PDGFD: variants seen among roughly 807,000 people sequenced by gnomAD.
PDGFD encodes platelet derived growth factor D, also known as platelet-derived growth factor D.
PDGFD carries 30 observed loss-of-function variants against 44.7 expected under a neutral mutation model. That is an observed-to-expected ratio of 0.67 (90% CI 0.50 to 0.91). The LOEUF (loss-of-function observed/expected upper bound fraction) is 0.91. PDGFD is among the 40% of genes least tolerant of loss of function. The pLI, the probability that PDGFD is intolerant of heterozygous loss-of-function variation, is 0.00. For missense variants in PDGFD, 445 were observed against 457.8 expected (o/e 0.97, Z 0.25); for synonymous variants, 173 against 168.4 (o/e 1.03, Z -0.21).
chr11:103,973,772 C>A (rs1403770146), intron 3 of PDGFD, among the ~76,000 whole-genome samples: 3 of 152,098 alleles, frequency 2.0e-5, no homozygotes, highest in African/African-American at 7.2e-5. Context: ...ACATGCCCCA[C>A]ATAATATTAG....
intron 3 of PDGFD, among the ~76,000 whole-genome samples, chr11:103,954,261 T>C (rs2134330817): frequency 6.6e-6 from 1 of 152,342 alleles, no homozygotes; most frequent in East Asian, 1.9e-4. Context: ...AGAGCAAGCC[T>C]GCACATATTC....
At chr11:104,088,690 C>G (rs1435339786) in intron 1 of PDGFD, among the ~76,000 whole-genome samples, 4 of 152,118 alleles carry the variant, frequency 2.6e-5, no homozygotes, top group Non-Finnish European at 4.4e-5. Flanking sequence ...GAAGGACTCA[C>G]AAGGAACAGT....
At position 104,164,128 on chromosome 11, in the gene PDGFD, G is replaced by C. The variant is rs986849513; in HGVS notation, c.-201C>G. 14 of 447,722 alleles carry C rather than the reference G, an allele frequency of 3.1e-5. No homozygotes were observed. Among genetic ancestry groups the C allele is most frequent in the Admixed American group, 7.7e-5 (2 of 25,998 alleles). 27.7% of individuals were successfully genotyped at this position (447,722 alleles called of 1,614,324 possible). A position where few individuals can be genotyped will look rare whatever the true frequency, so the allele number is the denominator to read the frequency against. ...CGTGTGGGTGCCGCACTTCCTTGTG[G>C]TGCTGAGCTGATAAATGGTGACGGG... On this transcript the variant is annotated 5_prime_UTR_variant, in exon 1 of 7. Transcript: ENST00000393158.
At chr11:104,063,208 C>T (rs182308391) in intron 1 of PDGFD, among the ~76,000 whole-genome samples, 93 of 151,830 alleles carry the variant, frequency 6.1e-4, no homozygotes, top group African/African-American at 2.0e-3. Flanking sequence ...CATACTCAGG[C>T]AATACATACC....
rs537187279 is a variant in PDGFD at position 103,970,370 on chromosome 11, C to T, written c.511-22646G>A. ...TAACTGCTTTACCTGAAATTTCGAA[C>T]GAGAAAGTTCTTCTATGAAATATAG... On this transcript the variant is annotated intron_variant, in intron 3 of 6. Coordinates refer to ENST00000393158, the MANE Select transcript of PDGFD (RefSeq NM_025208.5). Among the ~76,000 whole-genome samples, 26 of 152,082 alleles carry T rather than the reference C, an allele frequency of 1.7e-4. No individual in the cohort carries two copies. The South Asian group carries it at 2.7e-3, about 16-fold the overall frequency.
intron 3 of PDGFD, among the ~76,000 whole-genome samples, chr11:103,974,317 C>T (rs865899142): frequency 5.3e-5 from 8 of 152,224 alleles, no homozygotes; most frequent in Non-Finnish European, 8.8e-5. Context: ...GAGCATCAAA[C>T]TCCTGTGAAG....
chr11:103,998,655 G>A (rs901075501), intron 2 of PDGFD, among the ~76,000 whole-genome samples: 5 of 152,130 alleles, frequency 3.3e-5, no homozygotes, highest in Admixed American at 6.6e-5. Flanking sequence ...CCAAGAAGAG[G>A]GTTATGGAAC....
At chr11:103,960,666 T>C (rs188483619) in intron 3 of PDGFD, among the ~76,000 whole-genome samples, 1 of 152,354 alleles carries the variant, frequency 6.6e-6, no homozygotes, top group Admixed American at 6.5e-5. Context: ...GGCTTACCAT[T>C]ATCTCGAATT....
chr11:104,005,001 C>A (rs989693715), intron 1 of PDGFD, among the ~76,000 whole-genome samples: 2 of 151,376 alleles, frequency 1.3e-5, no homozygotes, highest in African/African-American at 4.9e-5. Flanking sequence ...GCCTCAGCCT[C>A]CCGAGTAGCT....
chr11:103,911,267 G>A (rs1858025053), intron 6 of PDGFD, among the ~76,000 whole-genome samples: 3 of 152,104 alleles, frequency 2.0e-5, no homozygotes, highest in Non-Finnish European at 4.4e-5. Flanking sequence ...GTGGGTCCCT[G>A]ACCCCCATGT....
intron 1 of PDGFD, among the ~76,000 whole-genome samples, chr11:104,009,368 T>C (rs969953434): frequency 6.6e-6 from 1 of 152,034 alleles, no homozygotes; most frequent in African/African-American, 2.4e-5. Context: ...TATGCAACCA[T>C]TTAATTTAGA....
intron 1 of PDGFD, chr11:104,039,161 T>A (rs1860305490): frequency 1.2e-5 from 2 of 167,024 alleles, no homozygotes; most frequent in African/African-American, 4.8e-5. Flanking sequence ...CAATAATTTA[T>A]CAAAACTAGT....
At chr11:104,106,777 T>C (rs1347268699) in intron 1 of PDGFD, among the ~76,000 whole-genome samples, 1 of 151,158 alleles carries the variant, frequency 6.6e-6, no homozygotes. Context: ...AGAATCTCAC[T>C]CTGTTGCCCA....
At chr11:104,117,497 A>G (rs760450912) in intron 1 of PDGFD, among the ~76,000 whole-genome samples, 23 of 152,060 alleles carry the variant, frequency 1.5e-4, no homozygotes, top group South Asian at 4.1e-4. Flanking sequence ...AGATTCCTCC[A>G]GAAAGTTCCT....
chr11:103,926,008 C>T (rs535550129), intron 6 of PDGFD, among the ~76,000 whole-genome samples: 24 of 152,086 alleles, frequency 1.6e-4, no homozygotes, highest in African/African-American at 5.1e-4. Flanking sequence ...GGATTACAGG[C>T]GTGAGCCACT....
intron 1 of PDGFD, among the ~76,000 whole-genome samples, chr11:104,040,914 A>C (rs1860339295): frequency 1.3e-5 from 2 of 151,990 alleles, no homozygotes; most frequent in South Asian, 4.1e-4. Context: ...TATGTATCCC[A>C]CCAAGATATT....
At chr11:104,152,410 T>C (rs987481181) in intron 1 of PDGFD, among the ~76,000 whole-genome samples, 1 of 152,158 alleles carries the variant, frequency 6.6e-6, no homozygotes, top group African/African-American at 2.4e-5. Flanking sequence ...TAAAATAACA[T>C]GTAGTGTAAA....
At chr11:104,036,770 C>T (rs1360085532) in intron 1 of PDGFD, 9 of 1,456,370 alleles carry the variant, frequency 6.2e-6, no homozygotes, top group African/African-American at 1.4e-5. Flanking sequence ...CGCCCCAGCC[C>T]GCCAGTGAGC....
intron 6 of PDGFD, among the ~76,000 whole-genome samples, chr11:103,912,015 C>A (rs11226065): frequency 0.46 from 69,338 of 151,576 alleles, 15,925 homozygotes; most frequent in South Asian, 0.49. Flanking sequence ...TGGTGTCCCC[C>A]AAAGTGATGG....
Sources: allele counts gnomAD v4.1 joint callset (sites outside exome capture counted in the v4.1 genomes callset), GRCh38; gene constraint gnomAD v4.1.1; transcripts MANE v1.5; gene names NCBI Gene and HGNC (gene_info 2026-07-23, HGNC 2026-07-21).